Variants in KAZN observed in about 807,000 individuals in gnomAD.
KAZN encodes the protein kazrin, periplakin interacting protein.
KAZN carries 40 observed loss-of-function variants against 87.4 expected under a neutral mutation model. The ratio of observed to expected loss-of-function variants is 0.46; its 90% CI spans 0.36 to 0.60. The LOEUF is 0.60. KAZN is among the 20% of genes least tolerant of loss of function. The pLI is 0.00. For missense variants in KAZN, 898 were observed against 1,073.9 expected (o/e 0.84, Z 2.29); for synonymous variants, 466 against 458.3 (o/e 1.02, Z -0.22).
intron 1 of KAZN, among the ~76,000 whole-genome samples, chr1:14,920,525 G>A (rs1658392517): frequency 1.3e-5 from 2 of 152,050 alleles, no homozygotes; most frequent in Non-Finnish European, 2.9e-5. Flanking sequence ...CACGGAGGCT[G>A]GACACAGTGT....
chr1:14,795,088 C>T (rs946509901), intron 1 of KAZN, among the ~76,000 whole-genome samples: 5 of 152,308 alleles, frequency 3.3e-5, no homozygotes, highest in Non-Finnish European at 7.3e-5. Context: ...CAGCCTCCTC[C>T]TTTTGAGGTT....
chr1:14,614,387 C>T (rs1163774266), intron 1 of KAZN, among the ~76,000 whole-genome samples: 1 of 152,216 alleles, frequency 6.6e-6, no homozygotes, highest in Non-Finnish European at 1.5e-5. Context: ...AACTGGTTTT[C>T]ATTTCTCTTC....
chr1:14,952,253 T>TGTGG (rs1363564787), intron 1 of KAZN, among the ~76,000 whole-genome samples: 1 of 151,408 alleles, frequency 6.6e-6, no homozygotes, highest in Non-Finnish European at 1.5e-5. Flanking sequence ...TGTGTGTGTG[T>TGTGG]GTGTGTGTGT....
chr1:14,197,890 G>T (rs1387241218), intron 2 of KAZN, among the ~76,000 whole-genome samples: 1 of 152,146 alleles, frequency 6.6e-6, no homozygotes, highest in Non-Finnish European at 1.5e-5. Flanking sequence ...GGAGAAGCAG[G>T]AGAAAAATAG....
intron 8 of KAZN, among the ~76,000 whole-genome samples, chr1:15,068,589 G>A (rs1344112959): frequency 1.3e-5 from 2 of 152,062 alleles, no homozygotes; most frequent in African/African-American, 2.4e-5. Flanking sequence ...CTGGAGGACC[G>A]AGAGGAGCTT....
chr1:14,109,207 G>A (rs1644446452), intron 1 of KAZN, among the ~76,000 whole-genome samples: 2 of 152,218 alleles, frequency 1.3e-5, no homozygotes, highest in Non-Finnish European at 2.9e-5. Context: ...GTGAGGTCAT[G>A]AGAGTCAGCC....
At chr1:14,484,230 A>G (rs577783634) in intron 2 of KAZN, among the ~76,000 whole-genome samples, 1 of 152,290 alleles carries the variant, frequency 6.6e-6, no homozygotes, top group Admixed American at 6.5e-5. Context: ...TTTGCTCAAG[A>G]TTGCTTTCAG....
intron 2 of KAZN, among the ~76,000 whole-genome samples, chr1:14,200,899 G>GGC (rs1472689904): frequency 6.6e-6 from 1 of 151,662 alleles, no homozygotes. Context: ...GCACCCAGCT[G>GGC]GCTGGCTCCA....
chr1:15,072,858 T>A (rs1158786448), intron 8 of KAZN, among the ~76,000 whole-genome samples: 1 of 152,052 alleles, frequency 6.6e-6, no homozygotes, highest in Non-Finnish European at 1.5e-5. Flanking sequence ...TGCTGAGCAA[T>A]AGAAAGCTTC....
chr1:14,476,821 T>C (rs1169990506), intron 2 of KAZN, among the ~76,000 whole-genome samples: 1 of 152,116 alleles, frequency 6.6e-6, no homozygotes, highest in Non-Finnish European at 1.5e-5. Flanking sequence ...TCTACTTCCT[T>C]TCTTCCATTC....
At chr1:14,700,154 G>A (rs1172498804) in intron 1 of KAZN, among the ~76,000 whole-genome samples, 1 of 152,164 alleles carries the variant, frequency 6.6e-6, no homozygotes, top group Non-Finnish European at 1.5e-5. Flanking sequence ...TTGAAAACCC[G>A]AAATGGCAAT....
At chr1:14,938,968 G>C (rs926917221) in intron 1 of KAZN, among the ~76,000 whole-genome samples, 3 of 152,080 alleles carry the variant, frequency 2.0e-5, no homozygotes, top group African/African-American at 7.2e-5. Flanking sequence ...TTCATTTTTT[G>C]TTTGATTTTG....
intron 1 of KAZN, among the ~76,000 whole-genome samples, chr1:14,100,443 C>T (rs994017310): frequency 6.6e-6 from 1 of 152,178 alleles, no homozygotes; most frequent in Non-Finnish European, 1.5e-5. Context: ...GCAAAAGGAT[C>T]CGAAGCAAAA....
In KAZN at chr1:14,120,659, G is replaced by A. The variant is rs1418869735; in HGVS notation, c.92-59776G>A. Among the ~76,000 whole-genome samples, 5 of 152,260 alleles carry A rather than the reference G, an allele frequency of 3.3e-5. No individual in the cohort carries two copies. The East Asian group carries it at 9.7e-4, about 29-fold the overall frequency. On this transcript the variant is annotated intron_variant, in intron 1 of 16. Coordinates refer to the KAZN transcript ENST00000636203. ...CTTCAGTGGATTGTGAAACCTAAAG[G>A]AGGTAGGGAGGGAAGATTCTTTGGA... is the stretch of plus-strand genomic sequence containing the variant.
chr1:13,958,562 AG>A (rs1369841961), intron 1 of KAZN, among the ~76,000 whole-genome samples: 4 of 141,270 alleles, frequency 2.8e-5, no homozygotes, highest in Non-Finnish European at 6.1e-5. Flanking sequence ...CGACAGAGCC[AG>A]ACTCCATCTC....
At chr1:14,439,732 C>A (rs918170439) in intron 2 of KAZN, among the ~76,000 whole-genome samples, 1 of 152,188 alleles carries the variant, frequency 6.6e-6, no homozygotes, top group Non-Finnish European at 1.5e-5. Context: ...ACAGTGCAGG[C>A]CTACAATGCC....
chr1:14,636,586 T>C (rs778610046), intron 1 of KAZN, among the ~76,000 whole-genome samples: 1 of 152,188 alleles, frequency 6.6e-6, no homozygotes, highest in Non-Finnish European at 1.5e-5. Flanking sequence ...GTGGCATCAT[T>C]TGATTCACCC....
At chr1:14,433,344 G>T (rs780572996) in intron 2 of KAZN, among the ~76,000 whole-genome samples, 10 of 152,144 alleles carry the variant, frequency 6.6e-5, no homozygotes, top group Non-Finnish European at 1.5e-4. Flanking sequence ...TAATTGCATA[G>T]TGTGCACTCT....
intron 2 of KAZN, among the ~76,000 whole-genome samples, chr1:14,312,232 CAG>C (rs1448929819): frequency 1.1e-4 from 17 of 152,184 alleles, no homozygotes; most frequent in African/African-American, 4.1e-4. Context: ...CTAAATATCT[CAG>C]AGTCTTCATT....
Sources: gnomAD v4.1 joint callset for allele counts (sites outside exome capture counted in the v4.1 genomes callset) on GRCh38, gnomAD v4.1.1 for gene constraint, MANE v1.5 for transcripts, NCBI Gene and HGNC (gene_info 2026-07-23, HGNC 2026-07-21) for gene names.